Variants in RBFOX1 observed in about 807,000 individuals in gnomAD.
RBFOX1 encodes the protein RNA binding protein fox-1 homolog 1.
A neutral mutation model predicts 57.7 loss-of-function variants in RBFOX1; 8 were observed. The ratio of observed to expected loss-of-function variants is 0.14; its 90% CI spans 0.08 to 0.25. The LOEUF (loss-of-function observed/expected upper bound fraction) is 0.25. RBFOX1 is among the 10% of genes least tolerant of loss of function. The pLI is 1.00. For synonymous variants in RBFOX1, 326 were observed against 222.4 expected (o/e 1.47, Z -4.15); for missense variants, 611 against 548.5 (o/e 1.11, Z -1.14).
chr16:7,061,490 G>C (rs2153747189), intron 4 of RBFOX1, among the ~76,000 whole-genome samples: 1 of 152,142 alleles, frequency 6.6e-6, no homozygotes, highest in East Asian at 1.9e-4. Flanking sequence ...CATTTTTGAT[G>C]CTGAATCTTA....
At chr16:7,156,484 C>A (rs1222089981) in intron 4 of RBFOX1, among the ~76,000 whole-genome samples, 1 of 151,826 alleles carries the variant, frequency 6.6e-6, no homozygotes, top group Non-Finnish European at 1.5e-5. Context: ...CAGGTAGATA[C>A]ACATCTATGT....
chr16:7,129,202 C>T (rs1474865034), intron 4 of RBFOX1, among the ~76,000 whole-genome samples: 1 of 152,080 alleles, frequency 6.6e-6, no homozygotes. Flanking sequence ...CAAGTTCTTC[C>T]TCATTGCAAT....
At chr16:5,930,235 A>T (rs1345963085) in intron 4 of RBFOX1, among the ~76,000 whole-genome samples, 4 of 112,254 alleles carry the variant, frequency 3.6e-5, no homozygotes. Flanking sequence ...GGATGGATGG[A>T]TGGATGGATG....
chr16:7,023,347 C>G (rs1248619655), intron 3 of RBFOX1, among the ~76,000 whole-genome samples: 1 of 151,286 alleles, frequency 6.6e-6, no homozygotes. Flanking sequence ...GTAATCCCAG[C>G]TACTTGGGAG....
intron 1 of RBFOX1, among the ~76,000 whole-genome samples, chr16:5,444,541 C>G (rs1293268571): frequency 6.6e-6 from 1 of 152,158 alleles, no homozygotes; most frequent in Non-Finnish European, 1.5e-5. Flanking sequence ...GATTGCGCCA[C>G]CGATCGGCTG....
At chr16:7,454,725 A>G (rs2058129472) in intron 4 of RBFOX1, among the ~76,000 whole-genome samples, 1 of 152,154 alleles carries the variant, frequency 6.6e-6, no homozygotes, top group Non-Finnish European at 1.5e-5. Flanking sequence ...AGATCCAACC[A>G]TCTCTCGATG....
intron 4 of RBFOX1, among the ~76,000 whole-genome samples, chr16:5,875,972 T>C (rs2057599384): frequency 6.6e-6 from 1 of 151,652 alleles, no homozygotes; most frequent in Non-Finnish European, 1.5e-5. Context: ...GCCTCCCGAG[T>C]AGCTGGGACT....
At chr16:6,227,265 C>G (rs186659649) in intron 1 of RBFOX1, among the ~76,000 whole-genome samples, 3 of 152,098 alleles carry the variant, frequency 2.0e-5, no homozygotes, top group Non-Finnish European at 4.4e-5. Flanking sequence ...ACCCTCAGAG[C>G]GTTTGATTCA....
intron 4 of RBFOX1, among the ~76,000 whole-genome samples, chr16:5,904,153 C>T (rs925125132): frequency 1.3e-5 from 2 of 152,080 alleles, no homozygotes; most frequent in Admixed American, 1.3e-4. Context: ...CGGAGATCGG[C>T]AATGCCTGGT....
chr16:6,120,872 G>A (rs1157014361), intron 1 of RBFOX1, among the ~76,000 whole-genome samples: 1 of 152,134 alleles, frequency 6.6e-6, no homozygotes, highest in Non-Finnish European at 1.5e-5. Context: ...CAGAACACAT[G>A]CTTCTGGATT....
At chr16:6,109,393 C>A (rs1485749164) in intron 1 of RBFOX1, among the ~76,000 whole-genome samples, 4 of 152,128 alleles carry the variant, frequency 2.6e-5, no homozygotes, top group Non-Finnish European at 2.9e-5. Context: ...ACATGGGTCT[C>A]CTCTACTGAC....
chr16:5,847,690 A>G (rs1396457423), intron 3 of RBFOX1, among the ~76,000 whole-genome samples: 1 of 152,076 alleles, frequency 6.6e-6, no homozygotes, highest in Non-Finnish European at 1.5e-5. Context: ...TTAGCTTCTG[A>G]TTCCAGCACC....
intron 11 of RBFOX1, among the ~76,000 whole-genome samples, chr16:7,638,136 A>G (rs2062081071): frequency 6.6e-6 from 1 of 152,160 alleles, no homozygotes; most frequent in South Asian, 2.1e-4. Flanking sequence ...CTGCAACGAC[A>G]GTGAACGCCT....
At chr16:7,620,212 A>G (rs985431730) in intron 10 of RBFOX1, among the ~76,000 whole-genome samples, 6 of 152,324 alleles carry the variant, frequency 3.9e-5, no homozygotes, top group East Asian at 1.9e-4. Flanking sequence ...CTTACTGATT[A>G]CTATTTGCCA....
chr16:6,352,083 T>C (rs1325234479), intron 2 of RBFOX1, among the ~76,000 whole-genome samples: 1 of 152,202 alleles, frequency 6.6e-6, no homozygotes, highest in Non-Finnish European at 1.5e-5. Context: ...GTATCACAGA[T>C]GGATAAGGTA....
At chr16:6,473,816 G>C in intron 2 of RBFOX1, among the ~76,000 whole-genome samples, 1 of 152,138 alleles carries the variant, frequency 6.6e-6, no homozygotes. Flanking sequence ...AAGTAGAAAG[G>C]GGTGTTCCTT....
At chr16:6,288,224 C>G (rs2077090947) in intron 1 of RBFOX1, among the ~76,000 whole-genome samples, 1 of 107,502 alleles carries the variant, frequency 9.3e-6, no homozygotes, top group South Asian at 4.3e-4. Flanking sequence ...CAATGCTTAT[C>G]AGAATGGTGT....
intron 2 of RBFOX1, among the ~76,000 whole-genome samples, chr16:6,565,971 C>T (rs891827199): frequency 6.6e-6 from 1 of 152,332 alleles, no homozygotes; most frequent in East Asian, 1.9e-4. Flanking sequence ...GTTCATCCTG[C>T]ACTGGCTGGG....
chr16:6,129,749 A>G (rs1022520651), intron 1 of RBFOX1, among the ~76,000 whole-genome samples: 1 of 151,354 alleles, frequency 6.6e-6, no homozygotes, highest in South Asian at 2.1e-4. Context: ...ATATTGACGA[A>G]AAAAAAAAAC....
Sources: allele counts gnomAD v4.1 joint callset (sites outside exome capture counted in the v4.1 genomes callset), GRCh38; gene constraint gnomAD v4.1.1; transcripts MANE v1.5; gene names NCBI Gene and HGNC (gene_info 2026-07-23, HGNC 2026-07-21).